The following ACMSD variants were observed in gnomAD, a reference collection of about 807,000 sequenced individuals.
ACMSD encodes the protein 2-amino-3-carboxymuconate-6-semialdehyde decarboxylase.
In ACMSD, 37 loss-of-function variants were observed where a neutral mutation model predicts 45.9. That is an observed-to-expected ratio of 0.81 (90% CI 0.62 to 1.06). ACMSD has a LOEUF of 1.06. ACMSD is among the 50% of genes least tolerant of loss of function. ACMSD has a pLI of 0.00. For missense variants in ACMSD, 434 were observed against 420.9 expected (o/e 1.03, Z -0.27); for synonymous variants, 138 against 148.8 (o/e 0.93, Z 0.53).
At chr2:134,850,088 C>G (rs184716694) in intron 2 of ACMSD, among the ~76,000 whole-genome samples, 1 of 150,240 alleles carries the variant, frequency 6.7e-6, no homozygotes, top group African/African-American at 2.5e-5. Context: ...TATCCCCCGC[C>G]CCCCAAATTC....
At chr2:134,873,208 C>A (rs1327398067) in intron 8 of ACMSD, 1 of 154,402 alleles carries the variant, frequency 6.5e-6, no homozygotes, top group Non-Finnish European at 1.4e-5. Context: ...AATAATATGG[C>A]TTTTGATTCT....
chr2:134,876,109 T>C (rs1688719510), intron 8 of ACMSD, among the ~76,000 whole-genome samples: 1 of 152,162 alleles, frequency 6.6e-6, no homozygotes, highest in Non-Finnish European at 1.5e-5. Flanking sequence ...GCACTTACCA[T>C]GAATGGAGCT....
intron 1 of ACMSD, among the ~76,000 whole-genome samples, chr2:134,843,589 C>T (rs1209908343): frequency 6.6e-6 from 1 of 152,158 alleles, no homozygotes; most frequent in Non-Finnish European, 1.5e-5. Flanking sequence ...CAGACAACTT[C>T]CCTGCACCAC....
intron 8 of ACMSD, among the ~76,000 whole-genome samples, chr2:134,876,163 T>C (rs1281476392): frequency 6.6e-6 from 1 of 152,202 alleles, no homozygotes; most frequent in Admixed American, 6.5e-5. Flanking sequence ...AAGTGAATAG[T>C]GAGTGAATGT....
At chr2:134,893,986 A>C (rs535819601) in intron 8 of ACMSD, among the ~76,000 whole-genome samples, 264 of 152,312 alleles carry the variant, frequency 1.7e-3, no homozygotes, top group African/African-American at 5.4e-3. Context: ...TTAGTGAAAA[A>C]TTTATAGCTG....
rs1553508436 is a variant in ACMSD, at chr2:134,845,410, A to G, written c.102+133A>G. ...TATTAGCTTTGTTGTAGACAAGGGA[A>G]CAGCACTGAGATTTCTCAGAATAAT... On this transcript the variant is annotated intron_variant, in intron 2 of 9. Coordinates refer to ENST00000356140, the MANE Select transcript of ACMSD (RefSeq NM_138326.3). 5.5e-5 allele frequency: 49 copies of G among 898,480 alleles called. 1 individual carries two copies. The South Asian group carries it at 6.7e-4, about 12-fold the overall frequency. The allele number at this position is 898,480 out of a possible 1,614,324, so 55.7% of individuals were successfully genotyped here. A position where few individuals can be genotyped will look rare whatever the true frequency, so the allele number is the denominator to read the frequency against.
At chr2:134,869,362 G>A (rs1035686085) in intron 6 of ACMSD, among the ~76,000 whole-genome samples, 5 of 152,022 alleles carry the variant, frequency 3.3e-5, no homozygotes, top group Non-Finnish European at 7.4e-5. Flanking sequence ...ACAAGTGCAC[G>A]CCACCACGCA....
chr2:134,893,841 C>T (rs923816011), intron 8 of ACMSD, among the ~76,000 whole-genome samples: 2 of 152,030 alleles, frequency 1.3e-5, no homozygotes, highest in Non-Finnish European at 2.9e-5. Context: ...CAAGAAATGC[C>T]AAAGGGAGTT....
chr2:134,855,006 C>T (rs1425289214), intron 2 of ACMSD, among the ~76,000 whole-genome samples: 1 of 151,188 alleles, frequency 6.6e-6, no homozygotes, highest in East Asian at 2.0e-4. Flanking sequence ...TAAATAAATC[C>T]TCCAATTTGC....
intron 8 of ACMSD, among the ~76,000 whole-genome samples, chr2:134,892,135 T>C (rs1689822930): frequency 1.3e-5 from 2 of 152,056 alleles, no homozygotes; most frequent in South Asian, 4.1e-4. Flanking sequence ...GCTATGTACA[T>C]CATTCAGGTG....
At chr2:134,841,672 C>T (rs1467432610) in intron 1 of ACMSD, among the ~76,000 whole-genome samples, 1 of 152,186 alleles carries the variant, frequency 6.6e-6, no homozygotes, top group African/African-American at 2.4e-5. Flanking sequence ...ATGGATTATT[C>T]ACAGCAACAA....
chr2:134,859,423 CTG>C, intron 3 of ACMSD, 66 bp downstream of exon 3: 1 of 1,497,322 alleles, frequency 6.7e-7, no homozygotes, highest in Non-Finnish European at 9.3e-7. Flanking sequence ...TTAAAGTTTG[CTG>C]ACAACTTTAT....
chr2:134,873,778 A>G (rs1022295946), intron 8 of ACMSD: 2 of 152,220 alleles, frequency 1.3e-5, no homozygotes, highest in African/African-American at 4.8e-5. Flanking sequence ...ATGGTTAGCA[A>G]TTGGTTGTGA....
intron 6 of ACMSD, among the ~76,000 whole-genome samples, chr2:134,868,381 G>T (rs1317126183): frequency 1.3e-5 from 2 of 150,556 alleles, no homozygotes; most frequent in Non-Finnish European, 2.9e-5. Flanking sequence ...AGCTATAGGT[G>T]AAAAATACAG....
intron 2 of ACMSD, among the ~76,000 whole-genome samples, chr2:134,852,080 A>G (rs1559042369): frequency 6.6e-6 from 1 of 152,220 alleles, no homozygotes; most frequent in African/African-American, 2.4e-5. Context: ...GCACACTTAA[A>G]TTAGACTACT....
intron 8 of ACMSD, among the ~76,000 whole-genome samples, chr2:134,892,197 C>T (rs1689827031): frequency 6.7e-6 from 1 of 149,394 alleles, no homozygotes; most frequent in African/African-American, 2.5e-5. Flanking sequence ...CTCCATATAA[C>T]AAAACTGCAC....
At chr2:134,847,397 C>CAGATAGAT (rs1213803670) in intron 2 of ACMSD, among the ~76,000 whole-genome samples, 6,421 of 81,070 alleles carry the variant, frequency 0.079, 163 homozygotes, top group African/African-American at 0.12. Context: ...TTTGGGGATA[C>CAGATAGAT]AGATAGATAG....
intron 8 of ACMSD, among the ~76,000 whole-genome samples, chr2:134,879,878 T>G (rs1688942102): frequency 6.6e-6 from 1 of 152,196 alleles, no homozygotes; most frequent in African/African-American, 2.4e-5. Flanking sequence ...TGCACATCTG[T>G]CATCCTGAAA....
At position 134,867,681 on chromosome 2, in the gene ACMSD, C is replaced by T. The variant is rs777196076; in HGVS notation, c.580+9C>T. The T allele has an allele frequency of 1.9e-6, 3 of 1,612,416 alleles. No homozygotes were observed. Among genetic ancestry groups the T allele is most frequent in the Non-Finnish European group, 2.5e-6 (3 of 1,178,824 alleles). Reference sequence around the variant, plus strand: ...GCTCCCTTGGCTTGTAGGTTTGTGTCTGTGTGGGGTCTGGAACAGAGGACC... The same window carrying T: ...GCTCCCTTGGCTTGTAGGTTTGTGTTTGTGTGGGGTCTGGAACAGAGGACC... On this transcript the variant is annotated intron_variant, in intron 6 of 9. Coordinates refer to ENST00000356140, the MANE Select transcript of ACMSD (RefSeq NM_138326.3).
Sources: allele counts gnomAD v4.1 joint callset (sites outside exome capture counted in the v4.1 genomes callset), GRCh38; gene constraint gnomAD v4.1.1; transcripts MANE v1.5; gene names NCBI Gene and HGNC (gene_info 2026-07-23, HGNC 2026-07-21).